Variants in PPP1R37 observed in about 807,000 individuals in gnomAD.
PPP1R37 encodes leucine rich repeat containing 68.
PPP1R37 carries 21 observed loss-of-function variants against 61.0 expected under a neutral mutation model. The ratio of observed to expected loss-of-function variants is 0.34; its 90% CI spans 0.24 to 0.50. The LOEUF (loss-of-function observed/expected upper bound fraction) is 0.50, where lower values mean the gene tolerates loss of function less well. Among genes scored for constraint, PPP1R37 ranks in the 20% least tolerant of loss-of-function variants. The probability of loss-of-function intolerance (pLI) is 0.98; values close to 1 mark genes in which losing one functional copy is unlikely to be tolerated. For synonymous variants in PPP1R37, 443 were observed against 433.5 expected, an observed-to-expected ratio of 1.02 and a Z score of -0.27; for missense variants, 910 against 952.7, an observed-to-expected ratio of 0.96 and a Z score of 0.59.
intron 1 of PPP1R37, among the ~76,000 whole-genome samples, chr19:45,105,310 G>C (rs1475715109): frequency 6.6e-6 from 1 of 152,178 alleles, no homozygotes; most frequent in Non-Finnish European, 1.5e-5. Context: ...TGGCAGCGCA[G>C]GACTGGCAAA....
At chr19:45,119,111 C>A (rs538846441) in intron 1 of PPP1R37, among the ~76,000 whole-genome samples, 112 of 152,226 alleles carry the variant, frequency 7.4e-4, no homozygotes, top group Non-Finnish European at 1.2e-3. Flanking sequence ...GCCCCAGCCT[C>A]CCGAGTAGCT....
chr19:45,143,697 T>C (rs1199424544), intron 8 of PPP1R37, 64 bp downstream of exon 8: 4 of 950,362 alleles, frequency 4.2e-6, no homozygotes, highest in Non-Finnish European at 6.4e-6. Flanking sequence ...ACTCCAGCTC[T>C]CAGCACAGTT....
chr19:45,137,043 GC>G (rs141051163), intron 1 of PPP1R37: 154 of 148,554 alleles, frequency 1.0e-3, no homozygotes, highest in African/African-American at 1.9e-3. Context: ...AGGGCGAGGG[GC>G]CCCCCCCCCA....
At chr19:45,109,168 A>G (rs771888380) in intron 1 of PPP1R37, among the ~76,000 whole-genome samples, 20 of 152,302 alleles carry the variant, frequency 1.3e-4, no homozygotes, top group Non-Finnish European at 1.9e-4. Flanking sequence ...GGACTCCTCT[A>G]TTGAAGATAG....
intron 2 of PPP1R37, among the ~76,000 whole-genome samples, chr19:45,138,905 CTTTTTTTTTTTTTT>C (rs34081163): frequency 5.5e-5 from 4 of 73,052 alleles, no homozygotes; most frequent in Admixed American, 4.0e-4. Flanking sequence ...TTTATGTATT[CTTTTTTTTTTTTTT>C]TTTTTTTTTT....
chr19:45,143,891 C>G (rs1196953168), intron 8 of PPP1R37: 1 of 315,922 alleles, frequency 3.2e-6, no homozygotes, highest in Non-Finnish European at 5.9e-6. Flanking sequence ...AGTGCAGTGG[C>G]GCCATCTAGG....
At chr19:45,141,494 A>T in intron 5 of PPP1R37, 53 bp downstream of exon 5, 1 of 1,508,880 alleles carries the variant, frequency 6.6e-7, no homozygotes. Flanking sequence ...CAGCACGGGG[A>T]GGCACTTTCT....
intron 1 of PPP1R37, among the ~76,000 whole-genome samples, chr19:45,106,248 GT>G (rs796161917): frequency 6.7e-6 from 1 of 149,852 alleles, no homozygotes; most frequent in African/African-American, 2.4e-5. Flanking sequence ...TTTTGTTTTT[GT>G]TTTTTTTTTG....
chr19:45,136,542 C>G (rs1049199156), intron 1 of PPP1R37, among the ~76,000 whole-genome samples: 3 of 152,124 alleles, frequency 2.0e-5, no homozygotes, highest in Non-Finnish European at 2.9e-5. Context: ...GCTCCGGTCC[C>G]CACTAGAGCT....
intron 1 of PPP1R37, among the ~76,000 whole-genome samples, chr19:45,131,297 G>A (rs80257624): frequency 0.015 from 2,214 of 152,266 alleles, 33 homozygotes; most frequent in Non-Finnish European, 0.023. Context: ...GCCAGCTGCT[G>A]CACAGCAGCA....
chr19:45,103,734 A>G (rs970993388), intron 1 of PPP1R37, among the ~76,000 whole-genome samples: 1 of 152,066 alleles, frequency 6.6e-6, no homozygotes, highest in Non-Finnish European at 1.5e-5. Context: ...AGGTGATGGT[A>G]CTCAAAGCTC....
intron 1 of PPP1R37, among the ~76,000 whole-genome samples, chr19:45,126,988 T>C (rs1968413560): frequency 6.6e-6 from 1 of 152,246 alleles, no homozygotes; most frequent in Non-Finnish European, 1.5e-5. Flanking sequence ...CACTTAATGA[T>C]GACACATTCT....
intron 4 of PPP1R37, 64 bp from the exon 5 acceptor site, chr19:45,141,258 G>A: frequency 1.4e-6 from 2 of 1,460,104 alleles, no homozygotes; most frequent in Non-Finnish European, 1.8e-6. Context: ...CCGGTGTCAG[G>A]GCCCACGCCT....
chr19:45,142,027 C>G, intron 5 of PPP1R37, 34 bp from the exon 6 acceptor site: 1 of 1,471,422 alleles, frequency 6.8e-7, no homozygotes, highest in Non-Finnish European at 9.0e-7. Context: ...CAGGCCTGAG[C>G]CAGTGCCTCA....
intron 1 of PPP1R37, among the ~76,000 whole-genome samples, chr19:45,114,956 C>G (rs757985376): frequency 2.0e-5 from 3 of 152,120 alleles, no homozygotes; most frequent in Non-Finnish European, 4.4e-5. Flanking sequence ...AGCAGAAAGC[C>G]CTGGGCTAGG....
At chr19:45,122,645 A>G (rs901849628) in intron 1 of PPP1R37, among the ~76,000 whole-genome samples, 2 of 152,002 alleles carry the variant, frequency 1.3e-5, no homozygotes, top group East Asian at 3.9e-4. Flanking sequence ...GGGAGTGAAG[A>G]CCTGCAGGCA....
At chr19:45,129,693 G>C (rs1415806767) in intron 1 of PPP1R37, among the ~76,000 whole-genome samples, 4 of 152,064 alleles carry the variant, frequency 2.6e-5, no homozygotes, top group African/African-American at 9.7e-5. Context: ...CTGGTCCCCT[G>C]TTCCCCATGG....
At chr19:45,096,821 C>T (rs1459211951) in intron 1 of PPP1R37, among the ~76,000 whole-genome samples, 1 of 152,110 alleles carries the variant, frequency 6.6e-6, no homozygotes, top group Admixed American at 6.5e-5. Context: ...GAGGTGATGA[C>T]ATGGACTGGA....
intron 1 of PPP1R37, among the ~76,000 whole-genome samples, chr19:45,095,467 A>C (rs1386533898): frequency 6.7e-6 from 1 of 148,886 alleles, no homozygotes; most frequent in Non-Finnish European, 1.5e-5. Flanking sequence ...GCAGTGGTTA[A>C]ATTAAGACTT....
Sources: allele counts gnomAD v4.1 joint callset (sites outside exome capture counted in the v4.1 genomes callset), GRCh38; gene constraint gnomAD v4.1.1; transcripts MANE v1.5; gene names NCBI Gene and HGNC (gene_info 2026-07-23, HGNC 2026-07-21).